RAB37: variants seen among roughly 807,000 people sequenced by gnomAD.
RAB37 encodes the protein ras-related protein Rab-37.
Under a neutral mutation model 33.1 loss-of-function variants are expected in RAB37, and 29 were observed. The observed-to-expected ratio is 0.88, with a 90% confidence interval of 0.65 to 1.20. The LOEUF is 1.20. Among genes scored for constraint, RAB37 ranks in the 50% most tolerant of loss-of-function variants. The probability of loss-of-function intolerance (pLI) is 0.00; values close to 1 mark genes in which losing one functional copy is unlikely to be tolerated. For missense variants in RAB37, 299 were observed against 301.1 expected (o/e 0.99, Z 0.05); for synonymous variants, 128 against 119.5 (o/e 1.07, Z -0.47).
At chr17:74,731,548 G>C (rs906930330) in intron 2 of RAB37, among the ~76,000 whole-genome samples, 1 of 152,168 alleles carries the variant, frequency 6.6e-6, no homozygotes, top group Non-Finnish European at 1.5e-5. Context: ...CATCAAACTG[G>C]CTGTGGGGGT....
upstream of RAB37, chr17:74,736,475 C>A: frequency 7.3e-7 from 1 of 1,366,444 alleles, no homozygotes; most frequent in South Asian, 1.5e-5. Context: ...TCAAAATGAT[C>A]TACGACTTCA....
At chr17:74,704,686 A>G in intron 1 of RAB37, 1 of 1,614,172 alleles carries the variant, frequency 6.2e-7, no homozygotes, top group Non-Finnish European at 8.5e-7. Context: ...AGTCACGCCA[A>G]ATAGCTCCTC....
intron 1 of RAB37, among the ~76,000 whole-genome samples, chr17:74,696,903 TGTTTGGTTTGGTTTGGTTTG>T (rs72122986): frequency 3.3e-4 from 48 of 146,932 alleles, no homozygotes; most frequent in African/African-American, 1.2e-3. Context: ...GGACCGATTT[TGTTTGGTTTGGTTTGGTTTG>T]GTTTGGTTTG....
At chr17:74,736,875 C>T (rs2034483787), upstream of RAB37, 2 of 1,501,300 alleles carry the variant, frequency 1.3e-6, no homozygotes, top group South Asian at 1.2e-5. Flanking sequence ...GGACAGCCCA[C>T]GGCCCGGGGC....
In RAB37 at chr17:74,745,452, T is replaced by C. The variant is rs768640426; in HGVS notation, c.*41T>C. On this transcript the variant is annotated 3_prime_UTR_variant, in exon 9 of 9. Coordinates refer to ENST00000392613, the MANE Select transcript of RAB37 (RefSeq NM_001006638.3). This position sits in a 1 kb window ranked among gnomAD's most constrained non-coding sequence, Gnocchi z 4.5. ...GAGGAGGCTCTGGAGGCACACAGGA[T>C]GCAGCCTTCCCCCTCCCAGGCCTGG... 6.6e-7 allele frequency: 1 copy of C among 1,519,362 alleles called. No individual in the cohort carries two copies. Among genetic ancestry groups the C allele is most frequent in the Non-Finnish European group, 9.1e-7 (1 of 1,094,244 alleles). The allele number at this position is 1,519,362 out of a possible 1,614,324, so 94.1% of individuals were successfully genotyped here. A position where few individuals can be genotyped will look rare whatever the true frequency, so the allele number is the denominator to read the frequency against.
chr17:74,691,397 T>C (rs1044848208), intron 1 of RAB37, among the ~76,000 whole-genome samples: 1 of 152,168 alleles, frequency 6.6e-6, no homozygotes, highest in African/African-American at 2.4e-5. Flanking sequence ...CTCAAACACC[T>C]GGACTCAAGT....
chr17:74,715,294 A>G (rs1340975103), intron 1 of RAB37, among the ~76,000 whole-genome samples: 2 of 152,224 alleles, frequency 1.3e-5, no homozygotes, highest in Non-Finnish European at 2.9e-5. Context: ...GTGGGTGTGC[A>G]GAGGGTTATT....
Position 74,737,354 on chromosome 17 carries a change from C to A in RAB37, c.82C>A (p.Leu28Ile). ...RSPPCSPSYDLTGKVMLLGDT... is the reference protein window; with the variant it reads ...RSPPCSPSYDITGKVMLLGDT... ...CCCGCCCTGCAGTCCGAGCTACGACCTCACGGGCAAGGTGGGTGGGCCTCT... is the reference window on the plus strand; with the variant it reads ...CCCGCCCTGCAGTCCGAGCTACGACATCACGGGCAAGGTGGGTGGGCCTCT... Residue 28 changes from leucine to isoleucine, a missense_variant, in exon 1 of 9, where the codon CTC becomes ATC. Coordinates refer to ENST00000392613, the MANE Select transcript of RAB37 (RefSeq NM_001006638.3). 6.4e-7 allele frequency: 1 copy of A among 1,573,932 alleles called. No individual in the cohort carries two copies. Among genetic ancestry groups the A allele is most frequent in the South Asian group, 1.1e-5 (1 of 86,994 alleles).
intron 1 of RAB37, among the ~76,000 whole-genome samples, chr17:74,681,477 C>A (rs2031954110): frequency 6.6e-6 from 1 of 152,218 alleles, no homozygotes; most frequent in Admixed American, 6.5e-5. Context: ...GAGTCCAACA[C>A]ATAGAAACTA....
chr17:74,713,899 CAAAAAAAAAAAAAA>C (rs55993385), intron 1 of RAB37, among the ~76,000 whole-genome samples: 2 of 51,160 alleles, frequency 3.9e-5, no homozygotes, highest in Non-Finnish European at 6.5e-5. Flanking sequence ...TTCATCTCCA[CAAAAAAAAAAAAAA>C]AAAAAAAAAA....
In RAB37 at chr17:74,671,671, T is replaced by C. The variant is rs762092943; in HGVS notation, c.72+13T>C. Reference sequence around the variant, plus strand: ...CGTCCTGCATAAGGTAAACATCTCCTGTATTCCTCAACCTAACGTTGGAAG... The same window carrying C: ...CGTCCTGCATAAGGTAAACATCTCCCGTATTCCTCAACCTAACGTTGGAAG... On this transcript the variant is annotated intron_variant, in intron 1 of 7. Coordinates refer to the RAB37 transcript ENST00000340415. This position sits in a 1 kb window ranked among gnomAD's most constrained non-coding sequence, Gnocchi z 5.0. 14 of 1,607,502 alleles carry C rather than the reference T, an allele frequency of 8.7e-6. No homozygotes were observed. The highest frequency in any genetic ancestry group is 1.3e-5 in the African/African-American group (1 of 74,922).
chr17:74,673,155 A>G (rs1457322835), intron 1 of RAB37, among the ~76,000 whole-genome samples: 1 of 152,182 alleles, frequency 6.6e-6, no homozygotes, highest in African/African-American at 2.4e-5. Context: ...CTGTAATCTC[A>G]GCACTTTGGG....
chr17:74,695,227 A>G (rs2032317038), intron 1 of RAB37: 1 of 1,613,976 alleles, frequency 6.2e-7, no homozygotes, highest in African/African-American at 1.3e-5. Context: ...GATGCATAGG[A>G]AATGTCCTCC....
At chr17:74,728,542 TTGTG>T (rs1011429134) in intron 1 of RAB37, among the ~76,000 whole-genome samples, 3 of 151,846 alleles carry the variant, frequency 2.0e-5, no homozygotes, top group African/African-American at 4.8e-5. Flanking sequence ...GTGCATGTGT[TTGTG>T]TGTGTGCCTA....
At chr17:74,712,559 G>C (rs1411828989) in intron 1 of RAB37, among the ~76,000 whole-genome samples, 1 of 152,200 alleles carries the variant, frequency 6.6e-6, no homozygotes, top group Non-Finnish European at 1.5e-5. Context: ...CTTTTCCCTG[G>C]CCGGCGGGGC....
rs886989807 is a variant in RAB37, at chr17:74,745,563, C to T, written c.*152C>T. 1.6e-6 allele frequency: 1 copy of T among 628,584 alleles called. No homozygotes were observed. The highest frequency in any genetic ancestry group is 2.8e-6 in the Non-Finnish European group (1 of 352,006). The allele number at this position is 628,584 out of a possible 1,614,324, so 38.9% of individuals were successfully genotyped here. On this transcript the variant is annotated 3_prime_UTR_variant, in exon 9 of 9. Transcript: ENST00000392613. This position sits in a 1 kb window ranked among gnomAD's most constrained non-coding sequence, Gnocchi z 4.5. ...CCTAGCAGGGAGCTATACTCCAACT[C>T]CTACTTGAGTTCCTGCGGTCTCCCC...
intron 1 of RAB37, among the ~76,000 whole-genome samples, chr17:74,707,077 G>A (rs1013279528): frequency 3.3e-5 from 5 of 152,192 alleles, no homozygotes; most frequent in African/African-American, 9.7e-5. Flanking sequence ...TGGTCTTGGC[G>A]ATGATGTCTT....
intron 1 of RAB37, among the ~76,000 whole-genome samples, chr17:74,697,634 G>C (rs2032624707): frequency 6.6e-6 from 1 of 152,094 alleles, no homozygotes. Flanking sequence ...AGGTACAATT[G>C]TGTGAGAATG....
At chr17:74,695,597 T>C in intron 1 of RAB37, 1 of 1,360,474 alleles carries the variant, frequency 7.4e-7, no homozygotes, top group Non-Finnish European at 1.0e-6. Flanking sequence ...GCAGTGACTA[T>C]GGCTTTGCCC....
Sources: gnomAD v4.1 joint callset for allele counts (sites outside exome capture counted in the v4.1 genomes callset) on GRCh38, gnomAD v4.1.1 for gene constraint, Gnocchi (gnomAD v3.1) non-coding constraint, MANE v1.5 for transcripts, NCBI Gene and HGNC (gene_info 2026-07-23, HGNC 2026-07-21) for gene names.